SUGCT: variants seen among roughly 807,000 people sequenced by gnomAD.
The protein encoded by SUGCT is succinyl-CoA:glutarate CoA-transferase.
A neutral mutation model predicts 55.0 loss-of-function variants in SUGCT; 41 were observed. The ratio of observed to expected loss-of-function variants is 0.74; its 90% confidence interval spans 0.58 to 0.97. The LOEUF is 0.97. SUGCT is among the 50% of genes least tolerant of loss of function. SUGCT has a pLI of 0.00. For synonymous variants in SUGCT, 187 were observed against 200.4 expected (o/e 0.93, Z 0.56); for missense variants, 568 against 547.8 (o/e 1.04, Z -0.37).
At chr7:40,336,712 T>G (rs536545972) in intron 9 of SUGCT, among the ~76,000 whole-genome samples, 3 of 152,322 alleles carry the variant, frequency 2.0e-5, no homozygotes, top group African/African-American at 7.2e-5. Context: ...CCTGGATTCA[T>G]TGATTTTTTG....
At chr7:40,586,937 T>G (rs1434330882) in intron 12 of SUGCT, among the ~76,000 whole-genome samples, 2 of 152,178 alleles carry the variant, frequency 1.3e-5, no homozygotes, top group African/African-American at 4.8e-5. Context: ...ATCCAATCAA[T>G]GGAATACCAC....
At chr7:40,298,125 T>C (rs1158775586) in intron 8 of SUGCT, among the ~76,000 whole-genome samples, 1 of 151,854 alleles carries the variant, frequency 6.6e-6, no homozygotes, top group African/African-American at 2.4e-5. Flanking sequence ...GGCTAAGTAA[T>C]GTTGACCTTA....
intron 7 of SUGCT, among the ~76,000 whole-genome samples, chr7:40,249,313 C>CTATATA (rs57348487): frequency 0.036 from 2,814 of 79,154 alleles, 78 homozygotes; most frequent in Non-Finnish European, 0.045. Context: ...CACCAAAAAG[C>CTATATA]TATATATATA....
At chr7:40,742,147 ATG>A (rs1475999963) in intron 12 of SUGCT, among the ~76,000 whole-genome samples, 3 of 152,154 alleles carry the variant, frequency 2.0e-5, no homozygotes, top group African/African-American at 7.2e-5. Context: ...CACATTATAT[ATG>A]TGTTTGTGTA....
intron 9 of SUGCT, among the ~76,000 whole-genome samples, chr7:40,351,476 T>G (rs374768635): frequency 1.3e-4 from 20 of 152,286 alleles, no homozygotes; most frequent in Non-Finnish European, 2.8e-4. Context: ...TTTAGCAAAA[T>G]GTACTTATAA....
intron 7 of SUGCT, among the ~76,000 whole-genome samples, chr7:40,272,505 T>C (rs1323786347): frequency 1.3e-5 from 2 of 151,400 alleles, no homozygotes; most frequent in African/African-American, 4.8e-5. Flanking sequence ...CATCCTTTGA[T>C]GGACACTTGG....
chr7:40,423,278 G>C (rs1787409798), intron 9 of SUGCT, among the ~76,000 whole-genome samples: 1 of 152,084 alleles, frequency 6.6e-6, no homozygotes, highest in Non-Finnish European at 1.5e-5. Flanking sequence ...TCCAAATACT[G>C]TGATTAGTGT....
chr7:40,905,362 A>G, the SUGCT span, among the ~76,000 whole-genome samples: 6 of 152,218 alleles, frequency 3.9e-5, no homozygotes, highest in Non-Finnish European at 8.8e-5. Context: ...CTCACAAAAA[A>G]GCAGAACAAG....
At chr7:40,538,352 A>G (rs1352425830) in intron 12 of SUGCT, 1 of 152,212 alleles carries the variant, frequency 6.6e-6, no homozygotes, top group African/African-American at 2.4e-5. Flanking sequence ...TAGGAAATAA[A>G]TGTCCTGGTA....
intron 9 of SUGCT, among the ~76,000 whole-genome samples, chr7:40,407,486 C>T (rs527625946): frequency 4.0e-4 from 60 of 151,336 alleles, no homozygotes; most frequent in Non-Finnish European, 5.8e-4. Flanking sequence ...AAAAGAAGTA[C>T]GTCATCATTT....
chr7:40,698,521 C>G (rs548472470), intron 12 of SUGCT, among the ~76,000 whole-genome samples: 1 of 152,158 alleles, frequency 6.6e-6, no homozygotes, highest in African/African-American at 2.4e-5. Context: ...GAGGAAGAAG[C>G]GACCACACCC....
chr7:40,985,335 A>G, the SUGCT span, among the ~76,000 whole-genome samples: 2 of 152,198 alleles, frequency 1.3e-5, no homozygotes, highest in African/African-American at 4.8e-5. Flanking sequence ...TTGAGCTTTC[A>G]TTACAAAAAA....
chr7:40,464,333 T>A (rs1401484132), intron 11 of SUGCT, among the ~76,000 whole-genome samples: 2 of 152,060 alleles, frequency 1.3e-5, no homozygotes, highest in Non-Finnish European at 2.9e-5. Context: ...AGTGTGGGAA[T>A]TACCTGGGTA....
the SUGCT span, among the ~76,000 whole-genome samples, chr7:41,025,152 C>A: frequency 6.6e-6 from 1 of 151,998 alleles, no homozygotes; most frequent in Admixed American, 6.6e-5. Context: ...AGTTATAAAA[C>A]CCTCAAGATT....
At chr7:40,770,873 A>G (rs1015617935) in intron 13 of SUGCT, among the ~76,000 whole-genome samples, 24 of 152,144 alleles carry the variant, frequency 1.6e-4, no homozygotes, top group African/African-American at 4.8e-4. Context: ...AAATGCCTTT[A>G]TAACCTTGGA....
At chr7:40,484,943 C>T (rs533233229) in intron 11 of SUGCT, among the ~76,000 whole-genome samples, 3 of 152,024 alleles carry the variant, frequency 2.0e-5, no homozygotes, top group South Asian at 2.1e-4. Context: ...ATAATGTTTA[C>T]GTGAATTTAA....
intron 11 of SUGCT, among the ~76,000 whole-genome samples, chr7:40,462,690 A>C (rs978215923): frequency 6.6e-6 from 1 of 152,130 alleles, no homozygotes; most frequent in Non-Finnish European, 1.5e-5. Flanking sequence ...AACACCTACT[A>C]TGTGCCATGA....
At chr7:41,006,869 C>A in the SUGCT span, among the ~76,000 whole-genome samples, 12 of 152,152 alleles carry the variant, frequency 7.9e-5, no homozygotes, top group African/African-American at 2.4e-4. Context: ...CATAGAATGG[C>A]ATTTATTGAT....
intron 7 of SUGCT, among the ~76,000 whole-genome samples, chr7:40,272,183 T>C (rs1390983818): frequency 0.014 from 821 of 57,146 alleles, 59 homozygotes; most frequent in African/African-American, 0.058. Context: ...TATATATATA[T>C]ATATATATAT....
Sources: allele counts gnomAD v4.1 joint callset (sites outside exome capture counted in the v4.1 genomes callset), GRCh38; gene constraint gnomAD v4.1.1; transcripts MANE v1.5; gene names NCBI Gene and HGNC (gene_info 2026-07-23, HGNC 2026-07-21).